BDP1: variants seen among roughly 807,000 people sequenced by gnomAD.
BDP1 encodes transcription factor TFIIIB component B'' homolog.
A neutral mutation model predicts 266.6 loss-of-function variants in BDP1; 169 were observed. That is an observed-to-expected ratio of 0.63 (90% CI 0.56 to 0.72). The LOEUF (loss-of-function observed/expected upper bound fraction) is 0.72. BDP1 is among the 30% of genes least tolerant of loss of function. The pLI, the probability that BDP1 is intolerant of heterozygous loss-of-function variation, is 0.00. For synonymous variants in BDP1, 1,090 were observed against 1,022.4 expected (o/e 1.07, Z -1.26); for missense variants, 3,015 against 3,053.8 (o/e 0.99, Z 0.30).
chr5:71,560,132 C>G lies in BDP1; in HGVS notation c.7391C>G (p.Pro2464Arg), dbSNP rs1273672471. 1.1e-5 allele frequency: 17 copies of G among 1,613,980 alleles called. No individual in the cohort carries two copies. The highest frequency in any genetic ancestry group is 1.4e-5 in the Non-Finnish European group (17 of 1,180,016). Residue 2464 changes from proline to arginine, a missense_variant, in exon 37 of 39, where the codon CCT (proline) becomes CGT (arginine). Transcript: ENST00000358731. ...ATGGACAAGAATGTGCCTCAGTTAC[C>G]TCAGGATGAAATGATTGTGTCTGAT... is the stretch of plus-strand genomic sequence containing the variant. ...ACMDKNVPQL[P>R]QDEMIVSDKE...
chr5:71,563,490 A>G (rs756078073), intron 38 of BDP1, among the ~76,000 whole-genome samples: 7 of 148,848 alleles, frequency 4.7e-5, no homozygotes, highest in Non-Finnish European at 8.9e-5. Context: ...AAAGATTGCA[A>G]TTTTTTTTTT....
Position 71,486,536 on chromosome 5 carries a change from T to G in BDP1, c.1122T>G (p.Val374=), listed in dbSNP as rs780548648. 1.9e-5 allele frequency: 29 copies of G among 1,546,020 alleles called. 2 individuals are homozygous for G. In the South Asian group the frequency reaches 3.7e-4, roughly 20 times the overall value. The change falls in exon 9 of 39, where the codon GTT becomes GTG. Residue 374 remains valine (V), a synonymous_variant. Transcript: ENST00000358731. ...TTTTTGCTCATTTGCTTCAGAAAGT[T>G]CTTGCTGAAGAAGAGAAAAGAAAAC... The part of the protein sequence containing the change: ...FDFFAHLLQK[V]LAEEEKRKQK...
At chr5:71,553,428 A>G (rs1305913992) in intron 35 of BDP1, 108 bp downstream of exon 35, 2 of 679,150 alleles carry the variant, frequency 2.9e-6, no homozygotes, top group African/African-American at 1.8e-5. Flanking sequence ...TTTTAGATAT[A>G]TATAAAGATA....
At chr5:71,526,366 C>CA (rs1441542357) in intron 25 of BDP1, among the ~76,000 whole-genome samples, 4 of 151,560 alleles carry the variant, frequency 2.6e-5, no homozygotes, top group African/African-American at 9.7e-5. Flanking sequence ...CCTATAATCC[C>CA]AGCACTTTGG....
intron 36 of BDP1, among the ~76,000 whole-genome samples, chr5:71,558,115 T>C (rs1743356044): frequency 6.6e-6 from 1 of 152,216 alleles, no homozygotes; most frequent in South Asian, 2.1e-4. Context: ...CATTCACACC[T>C]ATAGCCATTG....
intron 34 of BDP1, among the ~76,000 whole-genome samples, chr5:71,551,206 C>T (rs1372949306): frequency 6.6e-6 from 1 of 152,008 alleles, no homozygotes; most frequent in Admixed American, 6.6e-5. Context: ...GGAAGGTCAG[C>T]AGATAAACAA....
chr5:71,550,111 C>A (rs753118609), intron 34 of BDP1, among the ~76,000 whole-genome samples: 1 of 152,224 alleles, frequency 6.6e-6, no homozygotes, highest in Non-Finnish European at 1.5e-5. Flanking sequence ...CCTGGCCAGG[C>A]GTGGTGGCTT....
intron 7 of BDP1, among the ~76,000 whole-genome samples, chr5:71,477,897 G>T (rs969197955): frequency 6.6e-6 from 1 of 152,058 alleles, no homozygotes; most frequent in African/African-American, 2.4e-5. Context: ...GGGATTGCAG[G>T]CTGAGCCACC....
intron 13 of BDP1, among the ~76,000 whole-genome samples, chr5:71,499,929 C>T (rs1764127467): frequency 6.6e-6 from 1 of 151,950 alleles, no homozygotes; most frequent in Non-Finnish European, 1.5e-5. Flanking sequence ...TATGCATTGT[C>T]TTTTGTTATT....
chr5:71,552,554 C>T (rs1267067126), intron 34 of BDP1, among the ~76,000 whole-genome samples: 1 of 152,270 alleles, frequency 6.6e-6, no homozygotes, highest in Admixed American at 6.5e-5. Flanking sequence ...GAACAAGACT[C>T]CGTCTGCAAT....
At chr5:71,570,262 ATT>A (rs1744223564), downstream of BDP1, among the ~76,000 whole-genome samples, 1 of 152,168 alleles carries the variant, frequency 6.6e-6, no homozygotes, top group Non-Finnish European at 1.5e-5. Flanking sequence ...ATAGCTGAGT[ATT>A]TTTGTTTCCC....
intron 1 of BDP1, among the ~76,000 whole-genome samples, chr5:71,457,963 G>A (rs527760795): frequency 1.3e-5 from 2 of 152,094 alleles, no homozygotes; most frequent in African/African-American, 2.4e-5. Context: ...TACTTTTTTT[G>A]ACTGAAGTTT....
intron 7 of BDP1, 102 bp from the exon 8 acceptor site, chr5:71,483,740 A>G (rs1763097060): frequency 1.2e-6 from 1 of 802,244 alleles, no homozygotes; most frequent in East Asian, 2.5e-5. Flanking sequence ...AGTAGAGAGC[A>G]GTATGTTATT....
intron 12 of BDP1, among the ~76,000 whole-genome samples, chr5:71,496,822 A>T (rs1037658420): frequency 3.2e-4 from 49 of 152,306 alleles, no homozygotes; most frequent in African/African-American, 1.2e-3. Flanking sequence ...ACCTCAGGTG[A>T]TCCACCTGCC....
At chr5:71,491,170 T>C in intron 11 of BDP1, 39 bp downstream of exon 11, 1 of 1,584,810 alleles carries the variant, frequency 6.3e-7, no homozygotes, top group South Asian at 1.1e-5. Flanking sequence ...CCACATCTGT[T>C]GATTACTGAG....
rs780078490 is a variant in BDP1, at chr5:71,509,521, G to T, written c.2429G>T (p.Arg810Leu). ...KLNQVPILRT[R>L]FQKPKPNIGR... ...AACCAAGTCCCAATTCTAAGGACTCGATTTCAGAAACCAAAGCCAAATATA... is the reference window on the plus strand; with the variant it reads ...AACCAAGTCCCAATTCTAAGGACTCTATTTCAGAAACCAAAGCCAAATATA... Residue 810 changes from arginine (R) to leucine (L), a missense_variant, in exon 17 of 39, where the codon CGA becomes CTA. Coordinates refer to ENST00000358731, the MANE Select transcript of BDP1 (RefSeq NM_018429.3). 1.2e-6 allele frequency: 2 copies of T among 1,607,554 alleles called. No individual in the cohort carries two copies. The highest frequency in any genetic ancestry group is 8.5e-7 in the Non-Finnish European group (1 of 1,178,574).
chr5:71,509,179 A>C (rs1044192710), intron 16 of BDP1, among the ~76,000 whole-genome samples: 12 of 152,136 alleles, frequency 7.9e-5, no homozygotes, highest in African/African-American at 2.9e-4. Flanking sequence ...AGTATTTATA[A>C]ATGGTAGTGT....
In BDP1 at chr5:71,471,167, G is replaced by C. The variant is rs1371476809; in HGVS notation, c.1014+678G>C. Among the ~76,000 whole-genome samples the C allele has an allele frequency of 3.7e-5, 5 of 135,010 alleles. No homozygotes were observed. The Admixed American group carries it at 3.8e-4, about 10-fold the overall frequency. 88.6% of individuals were successfully genotyped at this position (135,010 alleles called of 152,430 possible). A position where few individuals can be genotyped will look rare whatever the true frequency, so the allele number is the denominator to read the frequency against. On this transcript the variant is annotated intron_variant, in intron 7 of 38. Coordinates refer to ENST00000358731, the MANE Select transcript of BDP1 (RefSeq NM_018429.3). ...TTTTTTTTTTTTTTTTTTTGAGATG[G>C]AGTCTCGCTCTGTTGCCCAGGCTGG...
intron 7 of BDP1, among the ~76,000 whole-genome samples, chr5:71,479,337 G>C (rs752406697): frequency 3.3e-5 from 5 of 151,566 alleles, no homozygotes; most frequent in Non-Finnish European, 7.4e-5. Flanking sequence ...CACTGCACCT[G>C]GCCTCCTCCT....
Sources: gnomAD v4.1 joint callset for allele counts (sites outside exome capture counted in the v4.1 genomes callset) on GRCh38, gnomAD v4.1.1 for gene constraint, MANE v1.5 for transcripts, NCBI Gene and HGNC (gene_info 2026-07-23, HGNC 2026-07-21) for gene names.